The following DNAJC5B variants were observed in gnomAD, a reference collection of about 807,000 sequenced individuals.
DNAJC5B encodes the protein DnaJ heat shock protein family (Hsp40) member C5 beta, also known as dnaJ homolog subfamily C member 5B.
In DNAJC5B, 23 loss-of-function variants were observed where a neutral mutation model predicts 24.7. The ratio of observed to expected loss-of-function variants is 0.93; its 90% CI spans 0.67 to 1.32. The LOEUF is 1.32. Ranked by LOEUF, DNAJC5B falls within the 40% of genes most tolerant of loss-of-function variation. The probability of loss-of-function intolerance (pLI) is 0.00; values close to 1 mark genes in which losing one functional copy is unlikely to be tolerated. For synonymous variants in DNAJC5B, 101 were observed against 90.1 expected, an observed-to-expected ratio of 1.12 and a Z score of -0.68; for missense variants, 238 against 240.8, an observed-to-expected ratio of 0.99 and a Z score of 0.08.
At chr8:66,059,446 C>A (rs1586088940) in intron 3 of DNAJC5B, among the ~76,000 whole-genome samples, 1 of 152,112 alleles carries the variant, frequency 6.6e-6, no homozygotes, top group Non-Finnish European at 1.5e-5. Flanking sequence ...GCTCCAAGAG[C>A]CAACAGGAAT....
intron 2 of DNAJC5B, among the ~76,000 whole-genome samples, chr8:66,046,556 A>C (rs1389535060): frequency 2.6e-5 from 4 of 152,274 alleles, no homozygotes; most frequent in African/African-American, 9.6e-5. Flanking sequence ...CATGGGCTTT[A>C]GAACCAGATA....
At chr8:66,095,068 C>A (rs1163393629) in intron 5 of DNAJC5B, among the ~76,000 whole-genome samples, 1 of 152,038 alleles carries the variant, frequency 6.6e-6, no homozygotes, top group African/African-American at 2.4e-5. Context: ...ATTTCCCTTT[C>A]TCAAACTTTC....
chr8:66,091,955 C>G (rs1807857853), intron 5 of DNAJC5B, among the ~76,000 whole-genome samples: 1 of 152,016 alleles, frequency 6.6e-6, no homozygotes, highest in Admixed American at 6.5e-5. Context: ...ATGAAATATT[C>G]AGAATAGGTA....
intron 5 of DNAJC5B, among the ~76,000 whole-genome samples, chr8:66,088,761 G>T (rs566212794): frequency 2.3e-4 from 35 of 152,226 alleles, no homozygotes; most frequent in African/African-American, 8.4e-4. Flanking sequence ...AGTGACCTTT[G>T]CTTCAGTTCC....
At chr8:66,063,290 A>G (rs933386119) in intron 3 of DNAJC5B, among the ~76,000 whole-genome samples, 3 of 152,264 alleles carry the variant, frequency 2.0e-5, no homozygotes, top group African/African-American at 7.2e-5. Flanking sequence ...TGCCATTTCC[A>G]TAATAATCTG....
At chr8:66,026,879 C>T (rs924709834) in intron 1 of DNAJC5B, among the ~76,000 whole-genome samples, 2 of 152,202 alleles carry the variant, frequency 1.3e-5, no homozygotes, top group Non-Finnish European at 2.9e-5. Context: ...CTTTGCTGAC[C>T]TCCGGAGGCA....
At chr8:66,053,282 G>T (rs746895292) in intron 3 of DNAJC5B, among the ~76,000 whole-genome samples, 2 of 152,110 alleles carry the variant, frequency 1.3e-5, no homozygotes, top group East Asian at 1.9e-4. Flanking sequence ...GTTTTAAGTA[G>T]ATGAAACAAC....
intron 2 of DNAJC5B, among the ~76,000 whole-genome samples, chr8:66,047,246 G>A (rs185955148): frequency 2.1e-4 from 32 of 152,362 alleles, no homozygotes; most frequent in African/African-American, 7.2e-4. Context: ...TGGGGCCTGA[G>A]TCCTTTTCCT....
At chr8:66,042,557 T>C (rs1304797804) in intron 1 of DNAJC5B, among the ~76,000 whole-genome samples, 1 of 152,144 alleles carries the variant, frequency 6.6e-6, no homozygotes, top group Non-Finnish European at 1.5e-5. Context: ...GGAACTTGGG[T>C]ATTTCATTCT....
chr8:66,030,524 C>T (rs1806335838), intron 1 of DNAJC5B, among the ~76,000 whole-genome samples: 1 of 152,218 alleles, frequency 6.6e-6, no homozygotes, highest in Non-Finnish European at 1.5e-5. Flanking sequence ...CTGTGTCCTT[C>T]CCCTGCCACC....
At chr8:66,049,066 C>G (rs1220238653) in intron 2 of DNAJC5B, among the ~76,000 whole-genome samples, 1 of 152,230 alleles carries the variant, frequency 6.6e-6, no homozygotes, top group Non-Finnish European at 1.5e-5. Flanking sequence ...AGTCTGCAAC[C>G]TCTCTGAAGA....
chr8:66,027,947 T>G lies in DNAJC5B; in HGVS notation c.-142+6242T>G, dbSNP rs180985441. ...AGCAAAATAAAATGTTTGACATAAGTTGGGCTCTTTAAGAGTTAAGAATTT... is the reference window on the plus strand; with the variant it reads ...AGCAAAATAAAATGTTTGACATAAGGTGGGCTCTTTAAGAGTTAAGAATTT... On this transcript the variant is annotated intron_variant, in intron 1 of 5. Transcript: ENST00000276570. Among the ~76,000 whole-genome samples, 21 of 152,350 alleles carry G rather than the reference T, an allele frequency of 1.4e-4. No homozygotes were observed. The East Asian group carries it at 3.7e-3, about 27-fold the overall frequency.
At chr8:66,062,514 C>A (rs77368195) in intron 3 of DNAJC5B, among the ~76,000 whole-genome samples, 6,535 of 152,288 alleles carry the variant, frequency 0.043, 469 homozygotes, top group African/African-American at 0.15. Context: ...TACACCAATA[C>A]ATACATTTTT....
chr8:66,051,494 G>C, intron 2 of DNAJC5B, 37 bp from the exon 3 acceptor site: 1 of 1,222,852 alleles, frequency 8.2e-7, no homozygotes, highest in Non-Finnish European at 1.2e-6. Context: ...GTGGGAAGTA[G>C]TGTGCATAAC....
Position 66,100,945 on chromosome 8 carries a change from T to C in DNAJC5B, c.*914T>C, listed in dbSNP as rs1416951133. Among the ~76,000 whole-genome samples, 1 of 152,204 alleles carries C rather than the reference T, an allele frequency of 6.6e-6. No homozygotes were observed. On this transcript the variant is annotated 3_prime_UTR_variant, in exon 6 of 6. Coordinates refer to ENST00000276570, the MANE Select transcript of DNAJC5B (RefSeq NM_033105.6). The stretch of plus-strand genomic sequence containing the variant: ...TTACACAATTTAAGCCCAGAGGTCA[T>C]CTCTGCATTTGCTTGTTTGATTCTT...
chr8:66,058,614 C>G (rs1383836421), intron 3 of DNAJC5B, among the ~76,000 whole-genome samples: 1 of 152,224 alleles, frequency 6.6e-6, no homozygotes, highest in East Asian at 1.9e-4. Flanking sequence ...ATCTCCAGTT[C>G]TTCATTCTTT....
intron 3 of DNAJC5B, among the ~76,000 whole-genome samples, chr8:66,058,440 G>A (rs1321298528): frequency 6.6e-6 from 1 of 152,146 alleles, no homozygotes; most frequent in Non-Finnish European, 1.5e-5. Context: ...AGATCTCATG[G>A]ACCCAGCCAG....
intron 3 of DNAJC5B, among the ~76,000 whole-genome samples, chr8:66,063,825 A>G (rs7009913): frequency 0.098 from 14,905 of 152,216 alleles, 1,156 homozygotes; most frequent in East Asian, 0.32. Context: ...AAGTTCATCT[A>G]TCCCACTCAC....
chr8:66,052,623 G>A (rs1268148884), intron 3 of DNAJC5B, among the ~76,000 whole-genome samples: 2 of 152,134 alleles, frequency 1.3e-5, no homozygotes, highest in East Asian at 3.8e-4. Flanking sequence ...GCACTGGTTT[G>A]GGGCTTCCTA....
Sources: gnomAD v4.1 joint callset for allele counts (sites outside exome capture counted in the v4.1 genomes callset) on GRCh38, gnomAD v4.1.1 for gene constraint, MANE v1.5 for transcripts, NCBI Gene and HGNC (gene_info 2026-07-23, HGNC 2026-07-21) for gene names.